Variants in RGSL1 observed in about 807,000 individuals in gnomAD.
The protein encoded by RGSL1 is regulator of G protein signaling like 1.
A neutral mutation model predicts 124.7 loss-of-function variants in RGSL1; 97 were observed. The observed-to-expected ratio is 0.78, with a 90% confidence interval of 0.66 to 0.92. The LOEUF (loss-of-function observed/expected upper bound fraction) is 0.92. Ranked by LOEUF, RGSL1 falls within the 40% of genes least tolerant of loss-of-function variation. The pLI is 0.00. For synonymous variants in RGSL1, 424 were observed against 438.1 expected, an observed-to-expected ratio of 0.97 and a Z score of 0.40; for missense variants, 1,233 against 1,288.4, an observed-to-expected ratio of 0.96 and a Z score of 0.66.
intron 6 of RGSL1, among the ~76,000 whole-genome samples, chr1:182,481,225 G>A (rs946763192): frequency 2.6e-5 from 4 of 151,770 alleles, no homozygotes; most frequent in African/African-American, 9.7e-5. Context: ...AAAAGAGAGA[G>A]AAGTTTCAAA....
At chr1:182,551,318 G>A (rs1660551079) in intron 18 of RGSL1, 109 bp downstream of exon 18, 5 of 836,310 alleles carry the variant, frequency 6.0e-6, no homozygotes, top group Admixed American at 4.8e-5. Flanking sequence ...GTGTTTGCTG[G>A]AGCCGGGACA....
At position 182,457,645 on chromosome 1, in the gene RGSL1, G is replaced by A. The variant is rs187326490; in HGVS notation, c.97-674G>A. Among the ~76,000 whole-genome samples the A allele has an allele frequency of 5.1e-3, 770 of 152,276 alleles. 2 individuals carry two copies. The highest frequency in any genetic ancestry group is 7.7e-3 in the Non-Finnish European group (524 of 68,008). On this transcript the variant is annotated intron_variant, in intron 2 of 21. Coordinates refer to ENST00000294854, the MANE Select transcript of RGSL1 (RefSeq NM_001137669.2). ...CAGCCAGTAATTGGAGCTTCAGCCC[G>A]TCTAGTTTTCTGCAAATACTTCTGG... is the stretch of plus-strand genomic sequence containing the variant.
In RGSL1 at chr1:182,472,364, A is replaced by T. The variant is rs1011477799; in HGVS notation, c.302-32A>T. ...ACCACCAAAGGGGCAAAACTAGGGT[A>T]TAGCTCTGTGCCTCTTCTGTCTCAC... On this transcript the variant is annotated intron_variant, in intron 4 of 21. Transcript: ENST00000294854. 3 of 1,530,804 alleles carry T rather than the reference A, an allele frequency of 2.0e-6. No individual in the cohort carries two copies. In the African/African-American group the frequency reaches 4.1e-5, roughly 21 times the overall value. 94.8% of individuals were successfully genotyped at this position (1,530,804 alleles called of 1,614,324 possible).
At chr1:182,474,576 G>A in intron 6 of RGSL1, 34 bp downstream of exon 6, 1 of 1,501,716 alleles carries the variant, frequency 6.7e-7, no homozygotes, top group Non-Finnish European at 8.9e-7. Flanking sequence ...AGTTATATCT[G>A]GCAAATTAGG....
At chr1:182,499,959 G>T (rs1256426007) in intron 9 of RGSL1, among the ~76,000 whole-genome samples, 1 of 151,960 alleles carries the variant, frequency 6.6e-6, no homozygotes, top group Admixed American at 6.6e-5. Flanking sequence ...TCCATTCTGT[G>T]GGCTGTATTT....
intron 4 of RGSL1, chr1:182,460,701 A>C (rs1415631510): frequency 2.2e-6 from 1 of 456,074 alleles, no homozygotes. Flanking sequence ...AATAGGAAGC[A>C]CTAGGAATCT....
intron 4 of RGSL1, among the ~76,000 whole-genome samples, chr1:182,464,599 C>T (rs1465914727): frequency 1.3e-5 from 2 of 151,852 alleles, no homozygotes; most frequent in African/African-American, 2.4e-5. Flanking sequence ...TGGCGGGATC[C>T]TGTAATCCCA....
intron 7 of RGSL1, 158 bp downstream of exon 7, chr1:182,488,505 C>G: frequency 1.4e-6 from 1 of 712,830 alleles, no homozygotes; most frequent in Non-Finnish European, 2.3e-6. Context: ...TAAAGCTAAA[C>G]CTCTCAAGGA....
chr1:182,491,099 G>A (rs910342087), intron 8 of RGSL1, among the ~76,000 whole-genome samples: 13 of 151,558 alleles, frequency 8.6e-5, no homozygotes, highest in African/African-American at 3.2e-4. Flanking sequence ...TGTTGCCCAG[G>A]CTAGGCTTGA....
At chr1:182,551,004 C>A in intron 17 of RGSL1, 96 bp from the exon 18 acceptor site, 1 of 781,560 alleles carries the variant, frequency 1.3e-6, no homozygotes, top group Non-Finnish European at 2.2e-6. Context: ...CCCACATTCT[C>A]TGAGGACTGG....
At chr1:182,468,780 A>AAAAT (rs953223645) in intron 4 of RGSL1, among the ~76,000 whole-genome samples, 3 of 151,966 alleles carry the variant, frequency 2.0e-5, no homozygotes, top group Non-Finnish European at 2.9e-5. Context: ...AAATAAAATA[A>AAAAT]AAATAAATAA....
At chr1:182,536,328 G>A (rs1659536675) in intron 14 of RGSL1, among the ~76,000 whole-genome samples, 1 of 152,128 alleles carries the variant, frequency 6.6e-6, no homozygotes, top group South Asian at 2.1e-4. Context: ...TAGAAATGCT[G>A]GGTTATGTGG....
At chr1:182,498,274 T>C (rs915189286) in intron 9 of RGSL1, among the ~76,000 whole-genome samples, 5 of 136,736 alleles carry the variant, frequency 3.7e-5, no homozygotes, top group African/African-American at 5.3e-5. Context: ...TATGTCTCGT[T>C]TTGGAATGTC....
chr1:182,454,770 A>G (rs1262128262), intron 2 of RGSL1, among the ~76,000 whole-genome samples: 2 of 152,184 alleles, frequency 1.3e-5, no homozygotes, highest in African/African-American at 4.8e-5. Context: ...TAATCTATGC[A>G]ACTAAAACAA....
upstream of RGSL1, chr1:182,450,119 G>GATA: frequency 6.4e-7 from 1 of 1,551,286 alleles, no homozygotes; most frequent in Non-Finnish European, 8.7e-7. Context: ...TGACTGGGGG[G>GATA]TAATTCTGCC....
intron 4 of RGSL1, among the ~76,000 whole-genome samples, chr1:182,466,114 C>A (rs568038296): frequency 6.7e-6 from 1 of 150,268 alleles, no homozygotes; most frequent in Admixed American, 6.7e-5. Flanking sequence ...AAATACAACA[C>A]CCTTTCATGA....
chr1:182,471,278 G>T, intron 4 of RGSL1: 1 of 457,470 alleles, frequency 2.2e-6, no homozygotes, highest in South Asian at 1.5e-5. Flanking sequence ...AATTTTCCTG[G>T]CAGCCAAGAT....
intron 10 of RGSL1, among the ~76,000 whole-genome samples, chr1:182,523,089 G>T (rs182196313): frequency 2.0e-5 from 3 of 151,440 alleles, no homozygotes; most frequent in African/African-American, 4.9e-5. Context: ...CAGCTGGAGT[G>T]CAGTGGCTCA....
chr1:182,491,497 G>A (rs938648974), intron 8 of RGSL1, among the ~76,000 whole-genome samples: 1 of 152,116 alleles, frequency 6.6e-6, no homozygotes, highest in Non-Finnish European at 1.5e-5. Context: ...TTACAGGTGT[G>A]AGCCACCACA....
Sources: allele counts gnomAD v4.1 joint callset (sites outside exome capture counted in the v4.1 genomes callset), GRCh38; gene constraint gnomAD v4.1.1; transcripts MANE v1.5; gene names NCBI Gene and HGNC (gene_info 2026-07-23, HGNC 2026-07-21).